NRG3: variants seen among roughly 807,000 people sequenced by gnomAD.
The protein encoded by NRG3 is pro-neuregulin-3, membrane-bound isoform.
NRG3 carries 31 observed loss-of-function variants against 66.9 expected under a neutral mutation model. That is an observed-to-expected ratio of 0.46 (90% confidence interval 0.35 to 0.63). NRG3 has a LOEUF of 0.63. Ranked by LOEUF, NRG3 falls within the 20% of genes least tolerant of loss-of-function variation. The pLI, the probability that NRG3 is intolerant of heterozygous loss-of-function variation, is 0.00. For synonymous variants in NRG3, 393 were observed against 359.4 expected (o/e 1.09, Z -1.06); for missense variants, 910 against 878.9 (o/e 1.04, Z -0.45).
chr10:82,046,180 T>C (rs1052828036), intron 1 of NRG3, among the ~76,000 whole-genome samples: 3 of 148,912 alleles, frequency 2.0e-5, no homozygotes, highest in Non-Finnish European at 3.0e-5. Flanking sequence ...TTTCATGATA[T>C]TGATTCTTCT....
At chr10:82,054,219 G>C (rs995678461) in intron 1 of NRG3, among the ~76,000 whole-genome samples, 1 of 152,206 alleles carries the variant, frequency 6.6e-6, no homozygotes, top group East Asian at 1.9e-4. Context: ...CTGTGGTGCA[G>C]TAAGGCAGAA....
At chr10:82,841,185 G>A (rs1413814001) in intron 3 of NRG3, among the ~76,000 whole-genome samples, 2 of 152,146 alleles carry the variant, frequency 1.3e-5, no homozygotes, top group Non-Finnish European at 2.9e-5. Flanking sequence ...AACTGGAAGA[G>A]GCAAGGAAGG....
At chr10:82,604,124 G>A (rs908973623) in intron 2 of NRG3, among the ~76,000 whole-genome samples, 5 of 152,066 alleles carry the variant, frequency 3.3e-5, no homozygotes, top group Non-Finnish European at 5.9e-5. Context: ...TTTGACAAGT[G>A]CATAATGGCA....
At chr10:81,879,016 C>T (rs913735269) in intron 1 of NRG3, among the ~76,000 whole-genome samples, 3 of 152,110 alleles carry the variant, frequency 2.0e-5, no homozygotes, top group African/African-American at 4.8e-5. Context: ...AGAACTGTTT[C>T]TAATTTTCTG....
intron 2 of NRG3, among the ~76,000 whole-genome samples, chr10:82,675,314 T>G (rs1202907674): frequency 6.6e-6 from 1 of 151,962 alleles, no homozygotes; most frequent in Non-Finnish European, 1.5e-5. Flanking sequence ...ACAATGGTTG[T>G]TTGTTGCTGA....
chr10:82,672,791 C>T (rs2134051777), intron 2 of NRG3, among the ~76,000 whole-genome samples: 1 of 152,306 alleles, frequency 6.6e-6, no homozygotes, highest in South Asian at 2.1e-4. Context: ...ACTCTGTCTC[C>T]TGGGCTGGAG....
chr10:82,952,469 CTCTGTGTG>C lies in NRG3; in HGVS notation c.1157+900_1157+907del, dbSNP rs1247752782. On this transcript the variant is annotated intron_variant, in intron 5 of 8. Coordinates refer to ENST00000372141, the MANE Select transcript of NRG3 (RefSeq NM_001010848.4). Reference sequence around the variant, plus strand: ...GATATAAACGTCTCTCTCTCTCTCTCTCTGTGTGTGTGTGTGTGTGTGTGTGTGTGTGT... The same window carrying C: ...GATATAAACGTCTCTCTCTCTCTCTCTGTGTGTGTGTGTGTGTGTGTGTGT... 2.3e-3 allele frequency among the ~76,000 whole-genome samples: 83 copies of C among 35,410 alleles called. 3 individuals carry two copies. The highest frequency in any genetic ancestry group is 7.5e-3 in the African/African-American group (79 of 10,466). The allele number at this position is 35,410 out of a possible 152,430, so 23.2% of individuals were successfully genotyped here.
chr10:82,118,649 G>T (rs543046434), intron 1 of NRG3, among the ~76,000 whole-genome samples: 1 of 152,026 alleles, frequency 6.6e-6, no homozygotes, highest in South Asian at 2.1e-4. Context: ...TGAAATTTTC[G>T]CTACCTTGCT....
At chr10:82,048,456 C>T (rs1293841862) in intron 1 of NRG3, among the ~76,000 whole-genome samples, 4 of 151,832 alleles carry the variant, frequency 2.6e-5, no homozygotes, top group Admixed American at 1.3e-4. Flanking sequence ...CACTCAAAAC[C>T]GCACAACTAC....
chr10:81,912,993 A>G (rs139698699), intron 1 of NRG3, among the ~76,000 whole-genome samples: 4 of 152,348 alleles, frequency 2.6e-5, no homozygotes, highest in Non-Finnish European at 4.4e-5. Flanking sequence ...CCATTGTGTA[A>G]ACTTAGACAA....
At chr10:82,901,578 A>T (rs1844226304) in intron 4 of NRG3, among the ~76,000 whole-genome samples, 1 of 152,306 alleles carries the variant, frequency 6.6e-6, no homozygotes, top group East Asian at 1.9e-4. Context: ...TCTAGGAGTG[A>T]TCCTCCAGAA....
chr10:81,935,799 G>T (rs11595955), intron 1 of NRG3, among the ~76,000 whole-genome samples: 1 of 150,998 alleles, frequency 6.6e-6, no homozygotes, highest in Non-Finnish European at 1.5e-5. Context: ...ACAACCCTTT[G>T]TTCCTCCTTG....
intron 2 of NRG3, among the ~76,000 whole-genome samples, chr10:82,485,791 A>G (rs1356565900): frequency 2.9e-5 from 1 of 34,472 alleles, no homozygotes; most frequent in East Asian, 5.4e-3. Context: ...TACAGGCAGC[A>G]AAAGCAAAAA....
At chr10:82,195,172 A>G (rs1446351649) in intron 1 of NRG3, among the ~76,000 whole-genome samples, 9 of 152,154 alleles carry the variant, frequency 5.9e-5, no homozygotes, top group Admixed American at 5.9e-4. Flanking sequence ...TAGCCACTCA[A>G]GAGCTCAGGC....
chr10:81,938,391 TG>T (rs761315599), intron 1 of NRG3, among the ~76,000 whole-genome samples: 2 of 117,786 alleles, frequency 1.7e-5, no homozygotes, highest in African/African-American at 3.4e-5. Context: ...TGTGTGTGTG[TG>T]TTTTTTTTTT....
chr10:82,064,069 A>G (rs972256999), intron 1 of NRG3, among the ~76,000 whole-genome samples: 1 of 151,350 alleles, frequency 6.6e-6, no homozygotes, highest in Non-Finnish European at 1.5e-5. Flanking sequence ...ATGAAACATA[A>G]TTTTTCCCAA....
intron 2 of NRG3, among the ~76,000 whole-genome samples, chr10:82,479,966 T>TCAAAAACAAAAA (rs60881629): frequency 6.6e-6 from 1 of 152,098 alleles, no homozygotes; most frequent in Non-Finnish European, 1.5e-5. Context: ...AGACTGCGTC[T>TCAAAAACAAAAA]CAAAAACAAA....
intron 3 of NRG3, among the ~76,000 whole-genome samples, chr10:82,822,578 C>T (rs1044179690): frequency 6.6e-6 from 1 of 152,136 alleles, no homozygotes; most frequent in East Asian, 1.9e-4. Flanking sequence ...CTGAGGCAGG[C>T]TCAAGTGGAC....
chr10:82,219,235 G>A (rs1484986914), intron 1 of NRG3, among the ~76,000 whole-genome samples: 2 of 141,082 alleles, frequency 1.4e-5, no homozygotes, highest in Non-Finnish European at 3.0e-5. Flanking sequence ...TTGGGTGTGG[G>A]CCGCCCTGGC....
Sources: allele counts gnomAD v4.1 joint callset (sites outside exome capture counted in the v4.1 genomes callset), GRCh38; gene constraint gnomAD v4.1.1; transcripts MANE v1.5; gene names NCBI Gene and HGNC (gene_info 2026-07-23, HGNC 2026-07-21).